Variants in METTL25 observed in about 807,000 individuals in gnomAD.
METTL25 encodes methyltransferase like 25.
In METTL25, 64 loss-of-function variants were observed where a neutral mutation model predicts 71.6. The observed-to-expected ratio is 0.89, with a 90% CI of 0.73 to 1.10. The LOEUF is 1.10. METTL25 is among the 50% of genes least tolerant of loss of function. The pLI is 0.00. For synonymous variants in METTL25, 287 were observed against 250.3 expected (o/e 1.15, Z -1.38); for missense variants, 807 against 707.0 (o/e 1.14, Z -1.60).
chr12:82,475,670 CTT>C (rs1212026258), intron 9 of METTL25, among the ~76,000 whole-genome samples: 1 of 152,084 alleles, frequency 6.6e-6, no homozygotes, highest in East Asian at 1.9e-4. Flanking sequence ...CTTTATCAGG[CTT>C]TTCTGTCCAG....
intron 9 of METTL25, among the ~76,000 whole-genome samples, chr12:82,458,889 C>T (rs1891672440): frequency 6.6e-6 from 1 of 152,026 alleles, no homozygotes; most frequent in Admixed American, 6.6e-5. Flanking sequence ...TCCTGTGCCA[C>T]CCAAGAAAGG....
At chr12:82,470,148 C>G (rs1236669303) in intron 9 of METTL25, among the ~76,000 whole-genome samples, 1 of 152,128 alleles carries the variant, frequency 6.6e-6, no homozygotes, top group Non-Finnish European at 1.5e-5. Flanking sequence ...ATTTAAAAAT[C>G]AAATCTGATT....
chr12:82,358,836 G>T lies in METTL25; in HGVS notation c.259+12G>T, dbSNP rs1555198877. ...AGAGTGGGAAGCAGGTGGGTGGTGG[G>T]GTAGGCGGGGCGGGAAGGGAGGCGG... On this transcript the variant is annotated intron_variant, in intron 1 of 11. Coordinates refer to ENST00000248306, the MANE Select transcript of METTL25 (RefSeq NM_032230.3). The T allele has an allele frequency of 1.9e-6, 3 of 1,601,594 alleles. No individual in the cohort carries two copies. Among genetic ancestry groups the T allele is most frequent in the Admixed American group, 3.4e-5 (2 of 59,068 alleles).
intron 5 of METTL25, among the ~76,000 whole-genome samples, chr12:82,419,408 G>A (rs1351005925): frequency 6.6e-6 from 1 of 152,048 alleles, no homozygotes; most frequent in African/African-American, 2.4e-5. Context: ...GTTGTACAAC[G>A]AGAAGGCCTG....
intron 11 of METTL25, among the ~76,000 whole-genome samples, chr12:82,478,674 T>C (rs1019894750): frequency 2.0e-5 from 3 of 151,930 alleles, no homozygotes; most frequent in Non-Finnish European, 4.4e-5. Context: ...TCATTTGTGA[T>C]TGGCCACTTC....
intron 4 of METTL25, 128 bp downstream of exon 4, chr12:82,399,522 A>C (rs1886397243): frequency 2.6e-6 from 2 of 764,036 alleles, no homozygotes; most frequent in Non-Finnish European, 4.1e-6. Context: ...ATGAAATCAT[A>C]AGTAGGCTTT....
intron 9 of METTL25, among the ~76,000 whole-genome samples, chr12:82,465,582 A>T (rs944127210): frequency 1.3e-5 from 2 of 151,790 alleles, no homozygotes; most frequent in East Asian, 1.9e-4. Context: ...TTGTGTCCTT[A>T]TCTGCTTTTG....
chr12:82,389,155 C>T (rs964091513), intron 2 of METTL25, among the ~76,000 whole-genome samples: 2 of 152,072 alleles, frequency 1.3e-5, no homozygotes, highest in African/African-American at 4.8e-5. Flanking sequence ...GTGTAGCATA[C>T]AGTGTATACT....
chr12:82,434,921 A>G (rs979244276), intron 7 of METTL25, among the ~76,000 whole-genome samples, 197 bp downstream of exon 7: 4 of 151,512 alleles, frequency 2.6e-5, no homozygotes, highest in Non-Finnish European at 5.9e-5. Flanking sequence ...TTTTAGGAAA[A>G]TGTCTGCATT....
At chr12:82,464,459 G>T (rs1358453730) in intron 9 of METTL25, among the ~76,000 whole-genome samples, 1 of 151,676 alleles carries the variant, frequency 6.6e-6, no homozygotes, top group African/African-American at 2.4e-5. Context: ...CTGTTCTATT[G>T]CATTTGTCTG....
intron 5 of METTL25, among the ~76,000 whole-genome samples, chr12:82,416,997 A>G (rs898513259): frequency 6.6e-6 from 1 of 152,176 alleles, no homozygotes; most frequent in Non-Finnish European, 1.5e-5. Flanking sequence ...CTAAGGTGGG[A>G]AATGAGTTTC....
intron 8 of METTL25, among the ~76,000 whole-genome samples, chr12:82,449,466 T>G (rs1040805061): frequency 8.5e-5 from 13 of 152,186 alleles, no homozygotes; most frequent in African/African-American, 3.1e-4. Context: ...ATTTTTACAC[T>G]TTGTGTGTTT....
intron 1 of METTL25, among the ~76,000 whole-genome samples, chr12:82,373,025 C>T (rs1443037147): frequency 6.6e-6 from 1 of 152,142 alleles, no homozygotes; most frequent in Non-Finnish European, 1.5e-5. Flanking sequence ...GACGCATTCT[C>T]GAAAACCTGC....
At position 82,400,035 on chromosome 12, in the gene METTL25, A is replaced by G. The variant is rs1415078983; in HGVS notation, c.1131+641A>G. Reference sequence around the variant, plus strand: ...AAGAAATTCTTCCCCAAAGAAATGTATAAATAGGCTGAGTGCCGTGGCTCA... The same window carrying G: ...AAGAAATTCTTCCCCAAAGAAATGTGTAAATAGGCTGAGTGCCGTGGCTCA... On this transcript the variant is annotated intron_variant, in intron 4 of 11. Coordinates refer to ENST00000248306, the MANE Select transcript of METTL25 (RefSeq NM_032230.3). Among the ~76,000 whole-genome samples, 4 of 151,762 alleles carry G rather than the reference A, an allele frequency of 2.6e-5. No homozygotes were observed. The East Asian group carries it at 7.7e-4, about 29-fold the overall frequency.
At chr12:82,451,864 T>C (rs964150951) in intron 8 of METTL25, among the ~76,000 whole-genome samples, 22 of 152,136 alleles carry the variant, frequency 1.4e-4, no homozygotes. Flanking sequence ...TGTTTAAATG[T>C]TAATATTTTC....
chr12:82,398,794 G>C lies in METTL25; in HGVS notation c.532-1G>C. 1 of 1,507,100 alleles carries C rather than the reference G, an allele frequency of 6.6e-7. No homozygotes were observed. The highest frequency in any genetic ancestry group is 8.8e-7 in the Non-Finnish European group (1 of 1,135,234). 93.4% of individuals were successfully genotyped at this position (1,507,100 alleles called of 1,614,324 possible). On this transcript the variant is annotated splice_acceptor_variant, in intron 3 of 11. Transcript: ENST00000248306. LOFTEE classifies it high-confidence loss of function. ...AATTTATTCTTTTTTTCTAATCTTA[G>C]GTGATTGACTTGGGTTCCGGTAAAG... is the stretch of plus-strand genomic sequence containing the variant.
chr12:82,386,747 C>A, intron 1 of METTL25, 56 bp from the exon 2 acceptor site: 1 of 1,349,924 alleles, frequency 7.4e-7, no homozygotes, highest in Non-Finnish European at 1.0e-6. Flanking sequence ...TTATTAATAT[C>A]ACACTAATTA....
intron 5 of METTL25, among the ~76,000 whole-genome samples, chr12:82,430,059 A>T (rs1474692397): frequency 6.6e-6 from 1 of 150,380 alleles, no homozygotes; most frequent in Non-Finnish European, 1.5e-5. Context: ...TTTTGTTTTT[A>T]TTTTATTTTA....
At chr12:82,476,418 T>C (rs891940101) in intron 9 of METTL25, 3 of 426,678 alleles carry the variant, frequency 7.0e-6, no homozygotes, top group African/African-American at 6.2e-5. Context: ...AATGGGATGT[T>C]GCTGGTGGTT....
Sources: gnomAD v4.1 joint callset for allele counts (sites outside exome capture counted in the v4.1 genomes callset) on GRCh38, gnomAD v4.1.1 for gene constraint, MANE v1.5 for transcripts, NCBI Gene and HGNC (gene_info 2026-07-23, HGNC 2026-07-21) for gene names.